Variants in GRAMD4 observed in about 807,000 individuals in gnomAD.
The protein encoded by GRAMD4 is GRAM domain containing 4.
In GRAMD4, 25 loss-of-function variants were observed where a neutral mutation model predicts 83.9. The ratio of observed to expected loss-of-function variants is 0.30; its 90% CI spans 0.22 to 0.42. The LOEUF is 0.42. GRAMD4 is among the 10% of genes least tolerant of loss of function. GRAMD4 has a pLI of 1.00. For missense variants in GRAMD4, 593 were observed against 788.7 expected, an observed-to-expected ratio of 0.75 and a Z score of 2.97; for synonymous variants, 336 against 320.9, an observed-to-expected ratio of 1.05 and a Z score of -0.50.
At chr22:46,615,779 T>C (rs1410513505), upstream of GRAMD4, among the ~76,000 whole-genome samples, 89 of 7,620 alleles carry the variant, frequency 0.012, 33 homozygotes, top group East Asian at 0.17. Context: ...TAGGTTCCCC[T>C]GTGCGTGTAG....
At chr22:46,629,147 T>G (rs2081725888) in intron 2 of GRAMD4, among the ~76,000 whole-genome samples, 9 of 151,866 alleles carry the variant, frequency 5.9e-5, no homozygotes, top group Admixed American at 5.9e-4. Flanking sequence ...AGATTCCTAG[T>G]GTGGGTGAGC....
At chr22:46,582,227 A>G (rs1374311594) in intron 1 of GRAMD4, among the ~76,000 whole-genome samples, 1 of 152,038 alleles carries the variant, frequency 6.6e-6, no homozygotes, top group African/African-American at 2.4e-5. Flanking sequence ...TGCTTGGTGA[A>G]TTGTTACTTG....
intron 2 of GRAMD4, among the ~76,000 whole-genome samples, chr22:46,630,982 G>A (rs2081765664): frequency 1.3e-5 from 2 of 151,862 alleles, no homozygotes; most frequent in Admixed American, 1.3e-4. Context: ...CTCCCTCGAG[G>A]GCCATGTGCC....
chr22:46,677,875 A>G lies in GRAMD4; in HGVS notation c.*624A>G, dbSNP rs2082622377. Reference sequence around the variant, plus strand: ...TGCGCTCCACACTCGCTCCACGGGAACAGAGAGGGTGAGAAGGGCCCACCC... The same window carrying G: ...TGCGCTCCACACTCGCTCCACGGGAGCAGAGAGGGTGAGAAGGGCCCACCC... On this transcript the variant is annotated 3_prime_UTR_variant, in exon 19 of 19. Transcript: ENST00000406902. 1 of 985,112 alleles carries G rather than the reference A, an allele frequency of 1.0e-6. No individual in the cohort carries two copies. The highest frequency in any genetic ancestry group is 1.2e-6 in the Non-Finnish European group (1 of 829,656). 61.0% of individuals were successfully genotyped at this position (985,112 alleles called of 1,614,324 possible). A position where few individuals can be genotyped will look rare whatever the true frequency, so the allele number is the denominator to read the frequency against.
At chr22:46,582,969 G>C in intron 1 of GRAMD4, among the ~76,000 whole-genome samples, 1 of 152,162 alleles carries the variant, frequency 6.6e-6, no homozygotes, top group Non-Finnish European at 1.5e-5. Context: ...TTGTTGCCCA[G>C]GCTGGAGTGC....
chr22:46,590,903 A>G (rs887107115), intron 1 of GRAMD4, among the ~76,000 whole-genome samples: 4 of 152,194 alleles, frequency 2.6e-5, no homozygotes, highest in Non-Finnish European at 5.9e-5. Context: ...TCTACTAAAA[A>G]TACAAAAATT....
At chr22:46,608,282 C>T (rs138531) in intron 1 of GRAMD4, among the ~76,000 whole-genome samples, 4 of 152,126 alleles carry the variant, frequency 2.6e-5, no homozygotes, top group African/African-American at 9.7e-5. Context: ...CCTGTCAGGA[C>T]ACTCTTCTGT....
chr22:46,675,116 A>G (rs1484958521), intron 16 of GRAMD4, among the ~76,000 whole-genome samples: 1 of 152,124 alleles, frequency 6.6e-6, no homozygotes, highest in Non-Finnish European at 1.5e-5. Context: ...AGTGGCCGTG[A>G]GTGTCTCACT....
Position 46,626,890 on chromosome 22 carries a change from G to A in GRAMD4, c.91G>A (p.Glu31Lys), listed in dbSNP as rs1400246785. 1.2e-6 allele frequency: 2 copies of A among 1,614,144 alleles called. No individual in the cohort carries two copies. Among genetic ancestry groups the A allele is most frequent in the Non-Finnish European group, 1.7e-6 (2 of 1,179,974 alleles). ...LAESPNASDT[E>K]CSDEIPLKVP... is the part of the protein sequence containing the mutation. ...GGAGTCTCCAAATGCCTCGGACACC[G>A]AATGCAGCGACGAAATCCCCCTGAA... The change falls in exon 2 of 19, where the codon GAA becomes AAA. Residue 31 changes from glutamate (E) to lysine (K), a missense_variant. Physicochemically the swap from Glu to Lys is moderately conservative, Grantham distance 56 (BLOSUM62 1). Around this residue, in one of 4 missense-constraint regions of GRAMD4, gnomAD observed 312 missense variants for 350.7 expected, o/e 0.89. Transcript: ENST00000406902.
intron 9 of GRAMD4, 102 bp from the exon 10 acceptor site, chr22:46,666,723 G>C: frequency 2.1e-6 from 2 of 967,196 alleles, no homozygotes; most frequent in Non-Finnish European, 3.4e-6. Flanking sequence ...ACCTAGAAGG[G>C]CCCCCTCCAA....
At chr22:46,676,136 C>T (rs1021003391) in intron 17 of GRAMD4, among the ~76,000 whole-genome samples, 2 of 152,222 alleles carry the variant, frequency 1.3e-5, no homozygotes, top group African/African-American at 2.4e-5. Flanking sequence ...GGCGGGCACT[C>T]CCGGCCCCAC....
chr22:46,663,009 C>A (rs777322509), intron 5 of GRAMD4, 31 bp from the exon 6 acceptor site: 3 of 1,578,542 alleles, frequency 1.9e-6, no homozygotes, highest in South Asian at 1.1e-5. Context: ...GCAGCCCTGC[C>A]GTGCCCTCAC....
At chr22:46,607,107 A>G (rs563652379) in intron 1 of GRAMD4, among the ~76,000 whole-genome samples, 2 of 152,070 alleles carry the variant, frequency 1.3e-5, no homozygotes, top group East Asian at 3.9e-4. Flanking sequence ...TGCCGGGCCC[A>G]TGGGCGTGCA....
At chr22:46,635,194 C>T (rs199534200) in intron 2 of GRAMD4, among the ~76,000 whole-genome samples, 11 of 107,564 alleles carry the variant, frequency 1.0e-4, no homozygotes, top group Non-Finnish European at 2.1e-4. Context: ...GTCCTCCCTG[C>T]CCCCGCCCCC....
rs994743370 is a variant in GRAMD4, at chr22:46,659,394, C to T, written c.404+1087C>T. 5.9e-5 allele frequency among the ~76,000 whole-genome samples: 9 copies of T among 152,186 alleles called. No homozygotes were observed. The highest frequency in any genetic ancestry group is 1.4e-4 in the African/African-American group (6 of 41,442). On this transcript the variant is annotated intron_variant, in intron 4 of 18. Transcript: ENST00000406902. This position sits in a 1 kb window ranked among gnomAD's most constrained non-coding sequence, Gnocchi z 4.1. ...CCACTTAGCCTCCCTCCAGGTCTCCCACCTCAGCCTCCCACCACCATTGGC... is the reference window on the plus strand; with the variant it reads ...CCACTTAGCCTCCCTCCAGGTCTCCTACCTCAGCCTCCCACCACCATTGGC...
At chr22:46,649,663 C>G (rs951481682) in intron 3 of GRAMD4, among the ~76,000 whole-genome samples, 1 of 152,234 alleles carries the variant, frequency 6.6e-6, no homozygotes, top group African/African-American at 2.4e-5. Context: ...GAAGCTTGCT[C>G]CTTCCTGGTT....
chr22:46,680,572 AT>A (rs2082656601), downstream of GRAMD4, among the ~76,000 whole-genome samples: 1 of 134,360 alleles, frequency 7.4e-6, no homozygotes, highest in Non-Finnish European at 1.6e-5. Context: ...CCGTCCATCC[AT>A]CCATCCATCC....
At chr22:46,624,579 G>T (rs559018434) in intron 1 of GRAMD4, among the ~76,000 whole-genome samples, 29 of 152,252 alleles carry the variant, frequency 1.9e-4, no homozygotes, top group Non-Finnish European at 3.7e-4. Context: ...GCCTACCTTG[G>T]CCTCCCAAAG....
intron 4 of GRAMD4, among the ~76,000 whole-genome samples, chr22:46,660,218 G>A (rs1268996069): frequency 6.6e-6 from 1 of 152,210 alleles, no homozygotes; most frequent in Non-Finnish European, 1.5e-5. Context: ...AATGGGTGGG[G>A]AATGGGCAGT....
Sources: allele counts gnomAD v4.1 joint callset (sites outside exome capture counted in the v4.1 genomes callset), GRCh38; gene constraint gnomAD v4.1.1; regional missense constraint gnomAD v4.1.1; non-coding constraint Gnocchi (gnomAD v3.1); transcripts MANE v1.5; gene names NCBI Gene and HGNC (gene_info 2026-07-23, HGNC 2026-07-21).